Variants in SNAPC3 observed in about 807,000 individuals in gnomAD.
SNAPC3 encodes snRNA-activating protein complex subunit 3.
In SNAPC3, 56 loss-of-function variants were observed where a neutral mutation model predicts 47.7. That is an observed-to-expected ratio of 1.18 (90% CI 0.95 to 1.47). The LOEUF is 1.47. Among genes scored for constraint, SNAPC3 ranks in the 40% most tolerant of loss-of-function variants. The probability of loss-of-function intolerance (pLI) is 0.00; values close to 1 mark genes in which losing one functional copy is unlikely to be tolerated. For synonymous variants in SNAPC3, 235 were observed against 189.9 expected (o/e 1.24, Z -1.95); for missense variants, 665 against 511.3 (o/e 1.30, Z -2.90).
At chr9:15,437,667 T>TA (rs1190394924) in intron 3 of SNAPC3, among the ~76,000 whole-genome samples, 1 of 151,916 alleles carries the variant, frequency 6.6e-6, no homozygotes. Context: ...TGTGGTGTAT[T>TA]ATATTGATTG....
downstream of SNAPC3, among the ~76,000 whole-genome samples, chr9:15,466,386 AAACAAC>A (rs143901249): frequency 3.0e-4 from 45 of 152,116 alleles, no homozygotes; most frequent in South Asian, 6.2e-4. Context: ...CTCAAAGAAA[AAACAAC>A]AACAACAAAA....
intron 3 of SNAPC3, among the ~76,000 whole-genome samples, chr9:15,435,280 A>AC (rs1326990942): frequency 6.6e-6 from 1 of 152,220 alleles, no homozygotes; most frequent in Non-Finnish European, 1.5e-5. Context: ...GTTGAGTTAT[A>AC]AAGAGTTCTT....
chr9:15,465,397 C>T (rs1371409878), downstream of SNAPC3: 8 of 810,170 alleles, frequency 9.9e-6, no homozygotes, highest in East Asian at 2.1e-4. Context: ...GGGATTTTCT[C>T]CCTCAAAACA....
chr9:15,447,070 C>T (rs762852985), intron 4 of SNAPC3, 25 bp from the exon 5 acceptor site: 12 of 1,603,322 alleles, frequency 7.5e-6, no homozygotes, highest in East Asian at 2.2e-5. Context: ...TCTAAATGAA[C>T]ACTTATTTAT....
intron 2 of SNAPC3, among the ~76,000 whole-genome samples, chr9:15,429,031 T>C (rs554269843): frequency 2.0e-4 from 31 of 152,312 alleles, no homozygotes; most frequent in Admixed American, 8.5e-4. Flanking sequence ...CCCAGACTTA[T>C]TGACTTTTGG....
intron 3 of SNAPC3, among the ~76,000 whole-genome samples, chr9:15,438,324 G>A (rs1019867997): frequency 6.6e-6 from 1 of 151,940 alleles, no homozygotes; most frequent in Non-Finnish European, 1.5e-5. Context: ...CAGTAGTAAC[G>A]TCTCCACTTT....
In SNAPC3 at chr9:15,453,028, T is replaced by C. The variant is rs1247088179; in HGVS notation, c.816-13T>C. On this transcript the variant is annotated splice_polypyrimidine_tract_variant and intron_variant, in intron 6 of 8. Transcript: ENST00000380821. ...GTGGAAAAATGATATATCCTTGCCT[T>C]TTCCCCCCTCAGAACTATCATTGAG... 12 of 1,597,574 alleles carry C rather than the reference T, an allele frequency of 7.5e-6. No individual in the cohort carries two copies. The highest frequency in any genetic ancestry group is 1.0e-5 in the Non-Finnish European group (12 of 1,173,942).
intron 4 of SNAPC3, 28 bp downstream of exon 4, chr9:15,444,734 T>C (rs1459727126): frequency 6.0e-6 from 7 of 1,166,064 alleles, no homozygotes; most frequent in Non-Finnish European, 8.9e-6. Flanking sequence ...TTGGATTTTA[T>C]GGATAATAGT....
intron 3 of SNAPC3, among the ~76,000 whole-genome samples, chr9:15,442,186 G>A (rs1459086753): frequency 6.7e-6 from 1 of 148,202 alleles, no homozygotes; most frequent in Non-Finnish European, 1.5e-5. Flanking sequence ...AGACGGGGCG[G>A]CTGGCCGGGC....
In SNAPC3 at chr9:15,449,538, TA is replaced by T. The variant is rs1246094681; in HGVS notation, c.733-1781del. Among the ~76,000 whole-genome samples the T allele has an allele frequency of 8.3e-3, 310 of 37,396 alleles. 3 individuals carry two copies. The highest frequency in any genetic ancestry group is 0.027 in the African/African-American group (274 of 10,022). 24.5% of individuals were successfully genotyped at this position (37,396 alleles called of 152,430 possible). ...GTTTCTGTCTCTTCTATTATTATTA[TA>T]TATATATATATATATATATATATAT... is the stretch of plus-strand genomic sequence containing the variant. On this transcript the variant is annotated intron_variant, in intron 5 of 8. Transcript: ENST00000380821.
rs1315597586 is a variant in SNAPC3, at chr9:15,423,031, GGCGGGGCCGTCTGC to G, written c.162_175del (p.Leu55GlyfsTer19). Reference sequence around the variant, plus strand: ...CATGTGGGCGCCTTTGGGGAGCTGTGGCGGGGCCGTCTGCGCGGGGCCGGGGACTTGTCGCTGAG... The same window carrying G: ...CATGTGGGCGCCTTTGGGGAGCTGTGGCGGGGCCGGGGACTTGTCGCTGAG... On this transcript the variant is annotated frameshift_variant, in exon 1 of 9. Transcript: ENST00000380821. LOFTEE classifies it high-confidence loss of function. 3.9e-6 allele frequency: 6 copies of G among 1,526,350 alleles called. No homozygotes were observed. Among genetic ancestry groups the G allele is most frequent in the African/African-American group, 1.4e-5 (1 of 69,286 alleles). 94.6% of individuals were successfully genotyped at this position (1,526,350 alleles called of 1,614,324 possible).
At chr9:15,464,070 A>G (rs1170471746), downstream of SNAPC3, 2 of 177,548 alleles carry the variant, frequency 1.1e-5, no homozygotes, top group African/African-American at 4.7e-5. Context: ...GCAGAGTTTG[A>G]TAGAAAAATT....
intron 6 of SNAPC3, among the ~76,000 whole-genome samples, chr9:15,452,035 C>G (rs1033901626): frequency 2.0e-4 from 31 of 152,100 alleles, no homozygotes; most frequent in African/African-American, 7.2e-4. Context: ...ACGATCTCAG[C>G]TCACTGCAGC....
intron 3 of SNAPC3, among the ~76,000 whole-genome samples, chr9:15,434,977 TA>T (rs1394922995): frequency 6.6e-6 from 1 of 152,214 alleles, no homozygotes; most frequent in Non-Finnish European, 1.5e-5. Context: ...ATTGTATGGT[TA>T]ATTCTGAGAA....
Position 15,459,743 on chromosome 9 carries a change from T to C in SNAPC3, c.1113T>C (p.Phe371=), listed in dbSNP as rs147131296. The part of the protein sequence containing the change: ...TARWVTNNDS[F]APEDPCFFCD... ...GATGGGTGACGAACAATGACAGTTTTGCACCAGAGGACCCATGCTTCTTTT... is the reference window on the plus strand; with the variant it reads ...GATGGGTGACGAACAATGACAGTTTCGCACCAGAGGACCCATGCTTCTTTT... Residue 371 remains phenylalanine (F), a synonymous_variant, in exon 9 of 9, where the codon TTT becomes TTC. Transcript: ENST00000380821. 278 of 1,613,568 alleles carry C rather than the reference T, an allele frequency of 1.7e-4. 1 individual carries two copies. Among genetic ancestry groups the C allele is most frequent in the Admixed American group, 6.7e-4 (40 of 59,936 alleles).
intron 7 of SNAPC3, among the ~76,000 whole-genome samples, chr9:15,455,318 G>A (rs2034694078): frequency 1.3e-5 from 2 of 152,186 alleles, no homozygotes; most frequent in African/African-American, 4.8e-5. Flanking sequence ...TGTAATCCCA[G>A]CACTTCGGGA....
Position 15,442,123 on chromosome 9 carries a change from C to T in SNAPC3, c.478-2479C>T, listed in dbSNP as rs10962038. ...GCCAGGCGGGGGCTGCCCCCCACCT[C>T]CCTCCGGGACGGGGCGGCTGGCTGG... On this transcript the variant is annotated intron_variant, in intron 3 of 8. Coordinates refer to ENST00000380821, the MANE Select transcript of SNAPC3 (RefSeq NM_001039697.2). Among the ~76,000 whole-genome samples the T allele has an allele frequency of 9.2e-4, 139 of 150,484 alleles. 1 individual carries two copies. Among genetic ancestry groups the T allele is most frequent in the East Asian group, 5.0e-3 (25 of 4,990 alleles).
At chr9:15,456,943 A>G (rs1218019937) in intron 7 of SNAPC3, among the ~76,000 whole-genome samples, 1 of 152,230 alleles carries the variant, frequency 6.6e-6, no homozygotes, top group African/African-American at 2.4e-5. Flanking sequence ...TTAATTTTAA[A>G]AAAATCAAAT....
downstream of SNAPC3, chr9:15,463,910 A>AT (rs1025309413): frequency 1.3e-5 from 2 of 155,736 alleles, no homozygotes; most frequent in Non-Finnish European, 2.8e-5. Flanking sequence ...TATTACCTTT[A>AT]TTTTTTATCA....
Sources: gnomAD v4.1 joint callset for allele counts (sites outside exome capture counted in the v4.1 genomes callset) on GRCh38, gnomAD v4.1.1 for gene constraint, MANE v1.5 for transcripts, NCBI Gene and HGNC (gene_info 2026-07-23, HGNC 2026-07-21) for gene names.